NCAPG2: variants seen among roughly 807,000 people sequenced by gnomAD.
The protein encoded by NCAPG2 is non-SMC condensin II complex subunit G2.
A neutral mutation model predicts 141.1 loss-of-function variants in NCAPG2; 53 were observed. The ratio of observed to expected loss-of-function variants is 0.38; its 90% CI spans 0.30 to 0.47. NCAPG2 has a LOEUF of 0.47. NCAPG2 is among the 20% of genes least tolerant of loss of function. The pLI is 0.99. For missense variants in NCAPG2, 1,087 were observed against 1,389.0 expected, an observed-to-expected ratio of 0.78 and a Z score of 3.46; for synonymous variants, 499 against 490.7, an observed-to-expected ratio of 1.02 and a Z score of -0.22.
chr7:158,657,548 C>T (rs1832084201), intron 17 of NCAPG2, among the ~76,000 whole-genome samples: 3 of 152,202 alleles, frequency 2.0e-5, no homozygotes, highest in African/African-American at 7.2e-5. Flanking sequence ...AGCCCCCCAC[C>T]CGGCCAGCCG....
intron 27 of NCAPG2, among the ~76,000 whole-genome samples, chr7:158,637,638 C>G (rs1830378769): frequency 1.0e-5 from 1 of 99,502 alleles, no homozygotes; most frequent in African/African-American, 4.0e-5. Flanking sequence ...CACCACCCAC[C>G]CAGGTGAGTG....
At chr7:158,683,246 TA>T in intron 9 of NCAPG2, 53 bp downstream of exon 9, 2 of 1,363,034 alleles carry the variant, frequency 1.5e-6, no homozygotes, top group East Asian at 2.7e-5. Flanking sequence ...AACAATTATC[TA>T]AAAACAAAAC....
In NCAPG2 at chr7:158,641,554, T is replaced by C. The variant is rs1482681614; in HGVS notation, c.3380+2735A>G. 3 of 621,466 alleles carry C rather than the reference T, an allele frequency of 4.8e-6. No individual in the cohort carries two copies. In the Admixed American group the frequency reaches 8.7e-5, roughly 18 times the overall value. 38.5% of individuals were successfully genotyped at this position (621,466 alleles called of 1,614,324 possible). On this transcript the variant is annotated intron_variant, in intron 27 of 27. Coordinates refer to ENST00000356309, the MANE Select transcript of NCAPG2 (RefSeq NM_017760.7). ...CTGGGCAACACAGCAAGTCCTCATA[T>C]CTTGGAAAAAAAAAAAAAAAGGAAA...
At chr7:158,687,505 C>G in intron 6 of NCAPG2, 63 bp from the exon 7 acceptor site, 1 of 1,211,860 alleles carries the variant, frequency 8.3e-7, no homozygotes, top group Non-Finnish European at 1.2e-6. Flanking sequence ...AAATAACAAA[C>G]AATTATTTGA....
At chr7:158,652,167 A>G (rs1432147975) in intron 23 of NCAPG2, 126 bp downstream of exon 23, 3 of 931,254 alleles carry the variant, frequency 3.2e-6, no homozygotes, top group African/African-American at 1.7e-5. Context: ...GCCAGCAGGG[A>G]CCTCCCACAC....
At position 158,652,328 on chromosome 7, in the gene NCAPG2, G is replaced by A. The variant is rs377006246; in HGVS notation, c.2899C>T (p.Arg967Trp). The change falls in exon 23 of 28, where the codon CGG (arginine) becomes TGG (tryptophan). Residue 967 changes from arginine (R) to tryptophan (W), a missense_variant. Arg to Trp is a moderately radical substitution (Grantham distance 101). Transcript: ENST00000356309. The part of the protein sequence containing the change: ...VFQKMLECIA[R>W]SFRKQPEEGL... The stretch of plus-strand genomic sequence containing the variant: ...TCTTCCGGCTGCTTCCTGAAGCTCC[G>A]TGCAATACATTCCAACATTTTCTGA... 59 of 1,613,794 alleles carry A rather than the reference G, an allele frequency of 3.7e-5. No individual in the cohort carries two copies. The highest frequency in any genetic ancestry group is 8.9e-5 in the East Asian group (4 of 44,894).
At chr7:158,644,220 A>G (rs1275671212) in intron 27 of NCAPG2, 69 bp downstream of exon 27, 2 of 1,308,280 alleles carry the variant, frequency 1.5e-6, no homozygotes, top group Non-Finnish European at 2.2e-6. Context: ...TGAAAATACA[A>G]CCTCATGCAG....
At chr7:158,652,113 C>G (rs1831535237) in intron 23 of NCAPG2, among the ~76,000 whole-genome samples, 180 bp downstream of exon 23, 1 of 152,174 alleles carries the variant, frequency 6.6e-6, no homozygotes, top group Non-Finnish European at 1.5e-5. Flanking sequence ...GTGTATCCAC[C>G]ATGGGGGACT....
intron 2 of NCAPG2, among the ~76,000 whole-genome samples, chr7:158,697,118 A>G (rs146908797): frequency 4.9e-4 from 74 of 152,272 alleles, no homozygotes; most frequent in African/African-American, 1.7e-3. Flanking sequence ...AGGTGCTTCA[A>G]GAGAAATTCC....
chr7:158,694,257 A>G (rs957980126), intron 2 of NCAPG2, among the ~76,000 whole-genome samples: 6 of 152,234 alleles, frequency 3.9e-5, no homozygotes, highest in African/African-American at 1.2e-4. Flanking sequence ...ATAAATATCA[A>G]ATCATTAATT....
At chr7:158,655,826 T>C (rs550706292) in intron 19 of NCAPG2, among the ~76,000 whole-genome samples, 2 of 20,868 alleles carry the variant, frequency 9.6e-5, no homozygotes, top group Admixed American at 1.3e-3. Flanking sequence ...GGCTGGCTCC[T>C]GGAGGAGAGG....
rs372589678 is a variant in NCAPG2 at position 158,701,854 on chromosome 7, C to T, written c.46G>A (p.Val16Ile). Reference sequence around the variant, plus strand: ...TGAACAAATTGCAAAAACTCTCCAACCAGCTCCTTAGACACGGCTTGTACA... The same window carrying T: ...TGAACAAATTGCAAAAACTCTCCAATCAGCTCCTTAGACACGGCTTGTACA... The part of the protein sequence containing the change: ...TFVQAVSKEL[V>I]GEFLQFVQLD... The change falls in exon 2 of 28, where the codon GTT becomes ATT. Residue 16 changes from valine to isoleucine, a missense_variant. Physicochemically the swap from Val to Ile is conservative, Grantham distance 29. Transcript: ENST00000356309. 2.5e-5 allele frequency: 40 copies of T among 1,613,606 alleles called. No individual in the cohort carries two copies. The East Asian group carries it at 5.3e-4, about 22-fold the overall frequency.
intron 13 of NCAPG2, among the ~76,000 whole-genome samples, chr7:158,667,444 A>C (rs1833141649): frequency 8.6e-6 from 1 of 116,404 alleles, no homozygotes; most frequent in Admixed American, 8.2e-5. Flanking sequence ...CTCCTTACCC[A>C]CTACTGGGTC....
chr7:158,669,498 C>G (rs765348276), intron 13 of NCAPG2, among the ~76,000 whole-genome samples: 3 of 152,036 alleles, frequency 2.0e-5, no homozygotes, highest in Non-Finnish European at 4.4e-5. Context: ...CGCAGTGGCT[C>G]ACGCCCATAA....
chr7:158,655,560 A>G (rs547016955), intron 19 of NCAPG2, 105 bp from the exon 20 acceptor site: 2 of 938,012 alleles, frequency 2.1e-6, no homozygotes, highest in South Asian at 2.9e-5. Context: ...CGAGCTGAAA[A>G]GACCCCCGCT....
At chr7:158,660,215 T>C (rs1832373779) in intron 16 of NCAPG2, among the ~76,000 whole-genome samples, 1 of 152,052 alleles carries the variant, frequency 6.6e-6, no homozygotes, top group South Asian at 2.1e-4. Flanking sequence ...GCAATTTTCC[T>C]TAGTGGTGGA....
At chr7:158,697,610 A>G (rs1835536917) in intron 2 of NCAPG2, among the ~76,000 whole-genome samples, 1 of 152,132 alleles carries the variant, frequency 6.6e-6, no homozygotes, top group Non-Finnish European at 1.5e-5. Flanking sequence ...GAAAAGAAAA[A>G]AAAAAAAAAG....
intron 13 of NCAPG2, among the ~76,000 whole-genome samples, chr7:158,669,812 TAC>T (rs1833563612): frequency 7.0e-6 from 1 of 142,342 alleles, no homozygotes; most frequent in African/African-American, 2.6e-5. Context: ...ATGCTTACTC[TAC>T]ATTTTTTTAA....
intron 22 of NCAPG2, among the ~76,000 whole-genome samples, chr7:158,653,176 G>C (rs938674591): frequency 3.3e-5 from 5 of 151,824 alleles, no homozygotes; most frequent in African/African-American, 1.2e-4. Flanking sequence ...GCCTGGCCAA[G>C]ACAGTGAAAC....
Sources: allele counts gnomAD v4.1 joint callset (sites outside exome capture counted in the v4.1 genomes callset), GRCh38; gene constraint gnomAD v4.1.1; transcripts MANE v1.5; gene names NCBI Gene and HGNC (gene_info 2026-07-23, HGNC 2026-07-21).